The following UBLCP1 variants were observed in gnomAD, a reference collection of about 807,000 sequenced individuals.
UBLCP1 encodes ubiquitin like domain containing CTD phosphatase 1.
UBLCP1 carries 28 observed loss-of-function variants against 42.4 expected under a neutral mutation model. The observed-to-expected ratio is 0.66, with a 90% CI of 0.49 to 0.90. The LOEUF (loss-of-function observed/expected upper bound fraction) is 0.90. UBLCP1 is among the 40% of genes least tolerant of loss of function. The pLI, the probability that UBLCP1 is intolerant of heterozygous loss-of-function variation, is 0.00. For missense variants in UBLCP1, 279 were observed against 374.5 expected, an observed-to-expected ratio of 0.75 and a Z score of 2.10; for synonymous variants, 122 against 120.8, an observed-to-expected ratio of 1.01 and a Z score of -0.07.
At chr5:159,264,038 T>C (rs1769831584) in intron 1 of UBLCP1, among the ~76,000 whole-genome samples, 1 of 152,214 alleles carries the variant, frequency 6.6e-6, no homozygotes, top group South Asian at 2.1e-4. Flanking sequence ...ATGAACACCA[T>C]TTGTATTGTG....
At chr5:159,273,069 G>A (rs1300216634) in intron 6 of UBLCP1, among the ~76,000 whole-genome samples, 1 of 152,200 alleles carries the variant, frequency 6.6e-6, no homozygotes, top group African/African-American at 2.4e-5. Context: ...GTTGCAGTCT[G>A]TAAATTCATT....
intron 1 of UBLCP1, among the ~76,000 whole-genome samples, chr5:159,265,665 A>G (rs1753381325): frequency 6.6e-6 from 1 of 152,296 alleles, no homozygotes; most frequent in African/African-American, 2.4e-5. Context: ...GAATAAGTGA[A>G]TAAGTCTCAT....
At chr5:159,264,488 T>C (rs1753349391) in intron 1 of UBLCP1, among the ~76,000 whole-genome samples, 1 of 152,244 alleles carries the variant, frequency 6.6e-6, no homozygotes, top group Non-Finnish European at 1.5e-5. Context: ...GCATTTACAA[T>C]TTTTATGGTG....
Position 159,269,054 on chromosome 5 carries a change from G to A in UBLCP1, c.139G>A (p.Gly47Arg), listed in dbSNP as rs1346622631. 6.3e-7 allele frequency: 1 copy of A among 1,581,840 alleles called. No homozygotes were observed. Among genetic ancestry groups the A allele is most frequent in the Non-Finnish European group, 8.6e-7 (1 of 1,168,148 alleles). The change falls in exon 2 of 11, where the codon GGA becomes AGA. Residue 47 changes from glycine (G) to arginine (R), a missense_variant. By Grantham distance (125) the Gly-to-Arg change is moderately radical. Transcript: ENST00000296786. ...GVLPERQKLLGLKVKGKPAEN... is the reference protein window; with the variant it reads ...GVLPERQKLLRLKVKGKPAEN... ...TCTTCCAGAACGCCAAAAGTTACTTGGACTCAAAGTTAAAGGTAATTCTCT... is the reference window on the plus strand; with the variant it reads ...TCTTCCAGAACGCCAAAAGTTACTTAGACTCAAAGTTAAAGGTAATTCTCT...
intron 6 of UBLCP1, among the ~76,000 whole-genome samples, chr5:159,273,834 T>A (rs1187299302): frequency 2.0e-5 from 3 of 148,574 alleles, no homozygotes; most frequent in Non-Finnish European, 3.0e-5. Context: ...CTTTTAAAAA[T>A]CACACACACA....
At chr5:159,274,674 T>G in intron 7 of UBLCP1, 52 bp downstream of exon 7, 1 of 1,512,224 alleles carries the variant, frequency 6.6e-7, no homozygotes, top group Non-Finnish European at 9.1e-7. Flanking sequence ...TGCATTTGTC[T>G]TGTTAAAAGT....
At position 159,270,556 on chromosome 5, in the gene UBLCP1, A is replaced by C. The variant is rs149294973; in HGVS notation, c.361A>C (p.Arg121=). Reference sequence around the variant, plus strand: ...AGAAAACCTACTGAAAATTTCTCGCAGAGTGAAAGAGTACAAAGTGGAAAT... The same window carrying C: ...AGAAAACCTACTGAAAATTTCTCGCCGAGTGAAAGAGTACAAAGTGGAAAT... The part of the protein sequence containing the change: ...REENLLKISR[R]VKEYKVEILN... Residue 121 remains arginine, a synonymous_variant, in exon 5 of 11, where the codon AGA becomes CGA. Transcript: ENST00000296786. 1.8e-3 allele frequency: 2,820 copies of C among 1,610,620 alleles called. 2 individuals carry two copies. The highest frequency in any genetic ancestry group is 2.2e-3 in the Non-Finnish European group (2,546 of 1,178,980).
chr5:159,278,192 T>G, intron 8 of UBLCP1, 46 bp from the exon 9 acceptor site: 1 of 1,347,874 alleles, frequency 7.4e-7, no homozygotes, highest in South Asian at 1.2e-5. Context: ...TAAGACAGGA[T>G]GAAATATTGA....
rs181197508 is a variant in UBLCP1 at position 159,271,250 on chromosome 5, C to T, written c.448+607C>T. ...CTGAGGTGGGAGGATTGCTTGAGCTCAGGAGTTGGAAATCAACCTGGGCAA... is the reference window on the plus strand; with the variant it reads ...CTGAGGTGGGAGGATTGCTTGAGCTTAGGAGTTGGAAATCAACCTGGGCAA... On this transcript the variant is annotated intron_variant, in intron 5 of 10. Transcript: ENST00000296786. Among the ~76,000 whole-genome samples the T allele has an allele frequency of 2.0e-5, 3 of 152,118 alleles. No individual in the cohort carries two copies. The East Asian group carries it at 5.8e-4, about 29-fold the overall frequency.
At chr5:159,275,496 C>T (rs1033387346) in intron 8 of UBLCP1, among the ~76,000 whole-genome samples, 8 of 149,072 alleles carry the variant, frequency 5.4e-5, no homozygotes, top group South Asian at 4.2e-4. Flanking sequence ...ACGCAAGCTC[C>T]GCCTCCCAGG....
At chr5:159,284,523 C>A (rs1753646512) in intron 10 of UBLCP1, among the ~76,000 whole-genome samples, 1 of 152,084 alleles carries the variant, frequency 6.6e-6, no homozygotes. Context: ...AGTTACAATA[C>A]TAGTTAATAT....
chr5:159,279,962 T>G (rs1011396752), intron 9 of UBLCP1, among the ~76,000 whole-genome samples: 1 of 152,204 alleles, frequency 6.6e-6, no homozygotes, highest in African/African-American at 2.4e-5. Flanking sequence ...TAAAAGAAAC[T>G]TTGTTTTCCT....
chr5:159,265,791 C>T (rs1365313132), intron 1 of UBLCP1, among the ~76,000 whole-genome samples: 3 of 152,166 alleles, frequency 2.0e-5, no homozygotes, highest in South Asian at 4.1e-4. Context: ...CCTCCCTAGC[C>T]ATTGTGGAAC....
chr5:159,265,450 T>C (rs1413233072), intron 1 of UBLCP1, among the ~76,000 whole-genome samples: 1 of 152,210 alleles, frequency 6.6e-6, no homozygotes, highest in Non-Finnish European at 1.5e-5. Context: ...GTTTGGTTAT[T>C]TACATGAGTG....
intron 1 of UBLCP1, 51 bp downstream of exon 1, chr5:159,263,411 G>A (rs1753326932): frequency 6.6e-6 from 1 of 152,350 alleles, no homozygotes. Context: ...ACGCTGTTGG[G>A]GCTCGGGGAC....
At chr5:159,271,980 A>T (rs1458879286) in intron 5 of UBLCP1, 43 bp from the exon 6 acceptor site, 10 of 1,410,658 alleles carry the variant, frequency 7.1e-6, no homozygotes, top group Non-Finnish European at 1.0e-5. Flanking sequence ...GTACTTGTTC[A>T]TGATGGTAAA....
chr5:159,276,787 C>T (rs1469869343), intron 8 of UBLCP1, among the ~76,000 whole-genome samples: 1 of 152,180 alleles, frequency 6.6e-6, no homozygotes, highest in Non-Finnish European at 1.5e-5. Context: ...CTTAATTTAA[C>T]AAAGAACCTG....
intron 1 of UBLCP1, among the ~76,000 whole-genome samples, chr5:159,264,383 A>G (rs1753348289): frequency 6.6e-6 from 1 of 152,256 alleles, no homozygotes; most frequent in Non-Finnish European, 1.5e-5. Context: ...AAAGCAAAAT[A>G]GCTCATGCAT....
chr5:159,285,193 C>G lies in UBLCP1; in HGVS notation c.*262C>G, dbSNP rs1753657761. Reference sequence around the variant, plus strand: ...GTTGGTTACTGACCACCCCACCCTCCCACCACACACACACACACACACACA... The same window carrying G: ...GTTGGTTACTGACCACCCCACCCTCGCACCACACACACACACACACACACA... On this transcript the variant is annotated 3_prime_UTR_variant, in exon 11 of 11. Transcript: ENST00000296786. 2.7e-6 allele frequency: 1 copy of G among 377,270 alleles called. No homozygotes were observed. The highest frequency in any genetic ancestry group is 4.8e-6 in the Non-Finnish European group (1 of 206,890). The allele number at this position is 377,270 out of a possible 1,614,324, so 23.4% of individuals were successfully genotyped here.
Sources: gnomAD v4.1 joint callset for allele counts (sites outside exome capture counted in the v4.1 genomes callset) on GRCh38, gnomAD v4.1.1 for gene constraint, MANE v1.5 for transcripts, NCBI Gene and HGNC (gene_info 2026-07-23, HGNC 2026-07-21) for gene names.